PLN: variants seen among roughly 807,000 people sequenced by gnomAD.
PLN encodes the protein phospholamban.
Under a neutral mutation model 3.9 loss-of-function variants are expected in PLN, and 1 was observed. That is an observed-to-expected ratio of 0.26 (90% CI 0.09 to 1.23). PLN has a LOEUF of 1.23. Ranked by LOEUF, PLN falls within the 50% of genes most tolerant of loss-of-function variation. The pLI, the probability that PLN is intolerant of heterozygous loss-of-function variation, is 0.48. For missense variants in PLN, 59 were observed against 62.7 expected (o/e 0.94, Z 0.20); for synonymous variants, 21 against 20.5 (o/e 1.02, Z -0.07).
chr6:118,558,002 T>C (rs763713509), intron 1 of PLN, among the ~76,000 whole-genome samples: 1 of 151,846 alleles, frequency 6.6e-6, no homozygotes, highest in Non-Finnish European at 1.5e-5. Context: ...TTTTGCTCTG[T>C]CACCCAGGCT....
At position 118,558,841 on chromosome 6, in the gene PLN, C is replaced by A; in HGVS notation, c.-81C>A. 1.1e-6 allele frequency: 1 copy of A among 928,592 alleles called. No homozygotes were observed. Among genetic ancestry groups the A allele is most frequent in the Non-Finnish European group, 1.8e-6 (1 of 561,712 alleles). The allele number at this position is 928,592 out of a possible 1,614,324, so 57.5% of individuals were successfully genotyped here. A position where few individuals can be genotyped will look rare whatever the true frequency, so the allele number is the denominator to read the frequency against. On this transcript the variant is annotated 5_prime_UTR_variant, in exon 2 of 2. Transcript: ENST00000357525. ...ACATTCCAGGCTACCTAAAAGAAGA[C>A]AGTTATCTCATATTTGGCTGCCAGC...
chr6:118,558,672 G>C (rs371836121), intron 1 of PLN, among the ~76,000 whole-genome samples, 153 bp from the exon 2 acceptor site: 13 of 137,866 alleles, frequency 9.4e-5, no homozygotes, highest in South Asian at 7.6e-4. Context: ...GAGAGAGAGA[G>C]AGAGAGAGAG....
At position 118,559,189 on chromosome 6, in the gene PLN, G is replaced by A. The variant is rs1779084678; in HGVS notation, c.*109G>A. The A allele has an allele frequency of 1.2e-6, 1 of 845,200 alleles. No individual in the cohort carries two copies. The highest frequency in any genetic ancestry group is 1.7e-5 in the African/African-American group (1 of 60,138). 52.4% of individuals were successfully genotyped at this position (845,200 alleles called of 1,614,324 possible). A position where few individuals can be genotyped will look rare whatever the true frequency, so the allele number is the denominator to read the frequency against. The stretch of plus-strand genomic sequence containing the variant: ...ATAACAGACCACTTCCTGAGTAGAA[G>A]AGTTTCTTTGTGAAAAGGTCAAGAT... On this transcript the variant is annotated 3_prime_UTR_variant, in exon 2 of 2. Coordinates refer to ENST00000357525, the MANE Select transcript of PLN (RefSeq NM_002667.5).
chr6:118,556,192 T>C (rs1439864215), intron 1 of PLN, among the ~76,000 whole-genome samples: 2 of 152,206 alleles, frequency 1.3e-5, no homozygotes, highest in Non-Finnish European at 2.9e-5. Context: ...GGTCGAATGG[T>C]AGTTCTGCTT....
chr6:118,549,100 AAC>A (rs1418784601), intron 1 of PLN, among the ~76,000 whole-genome samples: 1 of 152,006 alleles, frequency 6.6e-6, no homozygotes, highest in Non-Finnish European at 1.5e-5. Context: ...AATGTTCACA[AAC>A]ACAAAAAATC....
intron 1 of PLN, among the ~76,000 whole-genome samples, chr6:118,551,611 T>A (rs910290788): frequency 6.6e-6 from 1 of 151,956 alleles, no homozygotes; most frequent in African/African-American, 2.4e-5. Flanking sequence ...GAGAGAAAAA[T>A]ATCTCTGTGC....
chr6:118,554,839 G>A (rs1381832514), intron 1 of PLN, among the ~76,000 whole-genome samples: 1 of 152,124 alleles, frequency 6.6e-6, no homozygotes, highest in Admixed American at 6.5e-5. Flanking sequence ...AGAACAACAT[G>A]TGCAAAGAAC....
chr6:118,550,987 CT>C (rs1302837917), intron 1 of PLN, among the ~76,000 whole-genome samples: 1 of 151,774 alleles, frequency 6.6e-6, no homozygotes, highest in African/African-American at 2.4e-5. Flanking sequence ...ACTGCACAGA[CT>C]TTAAAAAAAA....
intron 1 of PLN, among the ~76,000 whole-genome samples, chr6:118,550,124 G>C (rs1374206674): frequency 1.3e-5 from 2 of 151,878 alleles, no homozygotes; most frequent in African/African-American, 2.4e-5. Context: ...AAAAACGCAT[G>C]AAAGAGCCAG....
In PLN at chr6:118,560,245, A is replaced by T. The variant is rs1779144366; in HGVS notation, c.*1165A>T. On this transcript the variant is annotated 3_prime_UTR_variant, in exon 2 of 2. Coordinates refer to ENST00000357525, the MANE Select transcript of PLN (RefSeq NM_002667.5). ...GTCCGCAAAATCTTAACTACCTAAT[A>T]GCCTACTATTGACCATAAACCTTAC... 6.0e-6 allele frequency: 1 copy of T among 167,082 alleles called. No homozygotes were observed. The highest frequency in any genetic ancestry group is 2.4e-5 in the African/African-American group (1 of 41,454). 10.3% of individuals were successfully genotyped at this position (167,082 alleles called of 1,614,324 possible). A position where few individuals can be genotyped will look rare whatever the true frequency, so the allele number is the denominator to read the frequency against.
At chr6:118,553,605 T>C (rs934809288) in intron 1 of PLN, among the ~76,000 whole-genome samples, 1 of 152,224 alleles carries the variant, frequency 6.6e-6, no homozygotes, top group Non-Finnish European at 1.5e-5. Context: ...TTATGGCATA[T>C]TTCTAAATCT....
chr6:118,549,173 T>C (rs1293739678), intron 1 of PLN, among the ~76,000 whole-genome samples: 1 of 151,986 alleles, frequency 6.6e-6, no homozygotes, highest in Non-Finnish European at 1.5e-5. Flanking sequence ...TATTCTTAAC[T>C]ATCTTATTTT....
rs1029766634 is a variant in PLN at position 118,558,974 on chromosome 6, T to C, written c.53T>C (p.Ile18Thr). 17 of 1,612,926 alleles carry C rather than the reference T, an allele frequency of 1.1e-5. No individual in the cohort carries two copies. The highest frequency in any genetic ancestry group is 2.2e-5 in the East Asian group (1 of 44,882). The change falls in exon 2 of 2, where the codon ATT becomes ACT. Residue 18 changes from isoleucine (I) to threonine (T), a missense_variant. Transcript: ENST00000357525. ...TCAGCTATAAGAAGAGCCTCAACCA[T>C]TGAAATGCCTCAACAAGCACGTCAA... The part of the protein sequence containing the change: ...TRSAIRRAST[I>T]EMPQQARQKL...
intron 1 of PLN, among the ~76,000 whole-genome samples, chr6:118,552,221 G>T (rs979580033): frequency 4.6e-5 from 7 of 151,896 alleles, no homozygotes; most frequent in Admixed American, 4.6e-4. Flanking sequence ...AAGGAGAAAA[G>T]CAAAATTCTA....
intron 1 of PLN, among the ~76,000 whole-genome samples, chr6:118,550,461 G>A (rs1057323699): frequency 3.3e-5 from 5 of 151,430 alleles, no homozygotes; most frequent in African/African-American, 9.7e-5. Flanking sequence ...AAATGAGGAG[G>A]GCCAATGAAC....
In PLN at chr6:118,559,358, T is replaced by C. The variant is rs1779094695; in HGVS notation, c.*278T>C. ...CCTCAACATGGCTCACAAATTTCTA[T>C]CCCAAATCTTTTCTGAAGATGAAGA... On this transcript the variant is annotated 3_prime_UTR_variant, in exon 2 of 2. Transcript: ENST00000357525. 2.4e-6 allele frequency: 1 copy of C among 416,328 alleles called. No homozygotes were observed. Among genetic ancestry groups the C allele is most frequent in the Non-Finnish European group, 4.6e-6 (1 of 215,978 alleles). 25.8% of individuals were successfully genotyped at this position (416,328 alleles called of 1,614,324 possible).
intron 1 of PLN, among the ~76,000 whole-genome samples, chr6:118,555,358 G>A (rs561262512): frequency 2.0e-5 from 3 of 151,088 alleles, no homozygotes; most frequent in Non-Finnish European, 2.9e-5. Flanking sequence ...AACCCGGGAG[G>A]TGGAGCTTGC....
At chr6:118,552,109 C>G (rs1411147179) in intron 1 of PLN, among the ~76,000 whole-genome samples, 2 of 151,920 alleles carry the variant, frequency 1.3e-5, no homozygotes, top group African/African-American at 2.4e-5. Context: ...GAAAAAACAT[C>G]CTAGAGTATA....
intron 1 of PLN, among the ~76,000 whole-genome samples, chr6:118,554,394 G>A (rs996324894): frequency 1.3e-5 from 2 of 152,180 alleles, no homozygotes; most frequent in East Asian, 1.9e-4. Context: ...CATTCGTCCC[G>A]CCTAGGCCTT....
Sources: gnomAD v4.1 joint callset for allele counts (sites outside exome capture counted in the v4.1 genomes callset) on GRCh38, gnomAD v4.1.1 for gene constraint, MANE v1.5 for transcripts, NCBI Gene and HGNC (gene_info 2026-07-23, HGNC 2026-07-21) for gene names.